The following AHCYL2 variants were observed in gnomAD, a reference collection of about 807,000 sequenced individuals.
The protein encoded by AHCYL2 is S-adenosylhomocysteine hydrolase-like protein 2.
AHCYL2 carries 28 observed loss-of-function variants against 81.4 expected under a neutral mutation model. The ratio of observed to expected loss-of-function variants is 0.34; its 90% CI spans 0.25 to 0.47. AHCYL2 has a LOEUF of 0.47. AHCYL2 is among the 20% of genes least tolerant of loss of function. The pLI is 1.00. For synonymous variants in AHCYL2, 272 were observed against 290.2 expected (o/e 0.94, Z 0.64); for missense variants, 551 against 785.1 (o/e 0.70, Z 3.56).
At chr7:129,395,591 C>G (rs1795690730) in intron 4 of AHCYL2, among the ~76,000 whole-genome samples, 1 of 152,196 alleles carries the variant, frequency 6.6e-6, no homozygotes, top group African/African-American at 2.4e-5. Flanking sequence ...CTGCCTTCCT[C>G]CAGACACAGT....
intron 11 of AHCYL2, among the ~76,000 whole-genome samples, chr7:129,412,528 C>G (rs906034121): frequency 7.9e-5 from 12 of 151,606 alleles, no homozygotes; most frequent in African/African-American, 2.7e-4. Flanking sequence ...CAATCCACCC[C>G]CCTCAGCCTC....
At chr7:129,353,011 T>C (rs1293528471) in intron 1 of AHCYL2, among the ~76,000 whole-genome samples, 1 of 146,788 alleles carries the variant, frequency 6.8e-6, no homozygotes, top group Non-Finnish European at 1.5e-5. Flanking sequence ...TGGTGTGGTC[T>C]CTCGGCTCAC....
At chr7:129,258,732 A>T (rs1795517137) in intron 1 of AHCYL2, among the ~76,000 whole-genome samples, 1 of 152,140 alleles carries the variant, frequency 6.6e-6, no homozygotes. Flanking sequence ...TTTGTAGGTC[A>T]TGAACTTTTG....
At chr7:129,410,000 C>G (rs1263574599) in intron 11 of AHCYL2, 1 of 655,176 alleles carries the variant, frequency 1.5e-6, no homozygotes, top group African/African-American at 1.9e-5. Flanking sequence ...AGATTTGTCT[C>G]TGCAGGAGGT....
Position 129,426,947 on chromosome 7 carries a change from G to A in AHCYL2, c.1830-92G>A. Reference sequence around the variant, plus strand: ...CACTGTACACTCCAGAAAAGTCTCTGCCTCCCTGTTACACCTTTAGGCAGG... The same window carrying A: ...CACTGTACACTCCAGAAAAGTCTCTACCTCCCTGTTACACCTTTAGGCAGG... On this transcript the variant is annotated intron_variant, in intron 16 of 16. Coordinates refer to ENST00000325006, the MANE Select transcript of AHCYL2 (RefSeq NM_015328.4). The surrounding 1 kb of genome is among the most constrained non-coding windows in gnomAD (Gnocchi z 4.3). 1 of 1,340,462 alleles carries A rather than the reference G, an allele frequency of 7.5e-7. No individual in the cohort carries two copies. The highest frequency in any genetic ancestry group is 1.1e-6 in the Non-Finnish European group (1 of 946,288). The allele number at this position is 1,340,462 out of a possible 1,614,324, so 83.0% of individuals were successfully genotyped here. A position where few individuals can be genotyped will look rare whatever the true frequency, so the allele number is the denominator to read the frequency against.
At chr7:129,372,635 C>A (rs1794464726) in intron 1 of AHCYL2, among the ~76,000 whole-genome samples, 1 of 152,006 alleles carries the variant, frequency 6.6e-6, no homozygotes, top group South Asian at 2.1e-4. Flanking sequence ...TGGCGAAACC[C>A]CATCTCTACT....
rs1245677040 is a variant in AHCYL2 at position 129,409,510 on chromosome 7, G to A, written c.1330G>A (p.Val444Ile). The change falls in exon 11 of 17, where the codon GTC (valine) becomes ATC (isoleucine). Residue 444 changes from valine to isoleucine, a missense_variant. Val to Ile is a conservative substitution (Grantham distance 29). Transcript: ENST00000325006. ...ATTTCGACTGGTGAAATTAAATGAG[G>A]TCATCCGACAAGTGGACATTGTTAT... ...DGFRLVKLNEVIRQVDIVITC... is the reference protein window; with the variant it reads ...DGFRLVKLNEIIRQVDIVITC... The A allele has an allele frequency of 6.2e-7, 1 of 1,613,710 alleles. No homozygotes were observed. The highest frequency in any genetic ancestry group is 1.7e-5 in the Admixed American group (1 of 59,974).
chr7:129,366,049 C>G (rs573396047), intron 1 of AHCYL2, among the ~76,000 whole-genome samples: 1 of 152,208 alleles, frequency 6.6e-6, no homozygotes, highest in East Asian at 1.9e-4. Flanking sequence ...TTAGAGGTTG[C>G]TAGGAGCTAA....
At chr7:129,355,512 A>AGT (rs1793707533) in intron 1 of AHCYL2, among the ~76,000 whole-genome samples, 1 of 152,216 alleles carries the variant, frequency 6.6e-6, no homozygotes. Flanking sequence ...TCCTAGGAGC[A>AGT]GTGGTTCACT....
At chr7:129,421,251 C>CA (rs11411466) in intron 12 of AHCYL2, among the ~76,000 whole-genome samples, 74,932 of 136,764 alleles carry the variant, frequency 0.55, 19,654 homozygotes, top group Middle Eastern at 0.57. Context: ...GACTCCATCT[C>CA]AAAAAAAAAA....
intron 15 of AHCYL2, among the ~76,000 whole-genome samples, chr7:129,425,402 A>G (rs1449308912): frequency 6.6e-6 from 1 of 151,348 alleles, no homozygotes; most frequent in South Asian, 2.1e-4. Flanking sequence ...TTCTTAAAGT[A>G]TCTTTATGTG....
chr7:129,285,613 C>T (rs1796600191), intron 1 of AHCYL2, among the ~76,000 whole-genome samples: 1 of 152,000 alleles, frequency 6.6e-6, no homozygotes, highest in African/African-American at 2.4e-5. Context: ...TCTTCCTGAC[C>T]TTGTAGAATC....
intron 1 of AHCYL2, among the ~76,000 whole-genome samples, chr7:129,232,420 C>T (rs149196429): frequency 1.4e-3 from 211 of 152,314 alleles, no homozygotes; most frequent in Middle Eastern, 3.4e-3. Flanking sequence ...TGCCAACACC[C>T]GTGCTGCTCT....
chr7:129,276,736 CAAAA>C (rs374792572), intron 1 of AHCYL2, among the ~76,000 whole-genome samples: 1 of 125,026 alleles, frequency 8.0e-6, no homozygotes, highest in Admixed American at 8.6e-5. Context: ...GCAACTGTCT[CAAAA>C]AAAAAAAAAA....
Position 129,406,356 on chromosome 7 carries a change from G to T in AHCYL2, c.1207-22G>T, listed in dbSNP as rs752834355. The T allele has an allele frequency of 1.1e-5, 17 of 1,609,638 alleles. No individual in the cohort carries two copies. Among genetic ancestry groups the T allele is most frequent in the African/African-American group, 5.3e-5 (4 of 74,786 alleles). ...TTTTCTCAGTGACTTTCCTTAATAT[G>T]TGTGCTCTCTCCCCTCTTCAGGTGG... is the stretch of plus-strand genomic sequence containing the variant. On this transcript the variant is annotated intron_variant, in intron 9 of 16. Coordinates refer to ENST00000325006, the MANE Select transcript of AHCYL2 (RefSeq NM_015328.4). This position sits in a 1 kb window ranked among gnomAD's most constrained non-coding sequence, Gnocchi z 4.3.
intron 1 of AHCYL2, among the ~76,000 whole-genome samples, chr7:129,311,316 T>C (rs1797649676): frequency 6.6e-6 from 1 of 152,206 alleles, no homozygotes; most frequent in Admixed American, 6.5e-5. Flanking sequence ...AAGAGACCTA[T>C]TAATATGGGA....
At chr7:129,225,471 GA>G in intron 1 of AHCYL2, 32 bp downstream of exon 1, 1 of 1,476,594 alleles carries the variant, frequency 6.8e-7, no homozygotes. Context: ...TCTAGGAGAG[GA>G]AGGGAGGGGA....
intron 1 of AHCYL2, among the ~76,000 whole-genome samples, chr7:129,377,797 A>G (rs1794761837): frequency 6.6e-6 from 1 of 152,224 alleles, no homozygotes; most frequent in African/African-American, 2.4e-5. Flanking sequence ...TTTGATTTGT[A>G]GAGTATTATA....
chr7:129,378,791 G>A (rs940981806), intron 1 of AHCYL2, among the ~76,000 whole-genome samples: 2 of 151,974 alleles, frequency 1.3e-5, no homozygotes, highest in African/African-American at 2.4e-5. Flanking sequence ...ATTCTTTCTT[G>A]TACCTTGCAA....
Sources: allele counts gnomAD v4.1 joint callset (sites outside exome capture counted in the v4.1 genomes callset), GRCh38; gene constraint gnomAD v4.1.1; non-coding constraint Gnocchi (gnomAD v3.1); transcripts MANE v1.5; gene names NCBI Gene and HGNC (gene_info 2026-07-23, HGNC 2026-07-21).